Variants in MCPH1 observed in about 807,000 individuals in gnomAD.
MCPH1 encodes microcephalin.
In MCPH1, 104 loss-of-function variants were observed where a neutral mutation model predicts 84.5. The ratio of observed to expected loss-of-function variants is 1.23; its 90% CI spans 1.05 to 1.45. MCPH1 has a LOEUF of 1.45. Ranked by LOEUF, MCPH1 falls within the 40% of genes most tolerant of loss-of-function variation. MCPH1 has a pLI of 0.00. For missense variants in MCPH1, 1,498 were observed against 1,005.7 expected (o/e 1.49, Z -6.62); for synonymous variants, 514 against 366.8 (o/e 1.40, Z -4.58).
chr8:6,412,664 C>T (rs1477455612), intron 2 of MCPH1, among the ~76,000 whole-genome samples: 1 of 152,090 alleles, frequency 6.6e-6, no homozygotes, highest in Non-Finnish European at 1.5e-5. Flanking sequence ...CAATTTTCGT[C>T]CTGTTTAGTG....
chr8:6,553,437 A>C (rs564566652), intron 12 of MCPH1, among the ~76,000 whole-genome samples: 6 of 152,244 alleles, frequency 3.9e-5, no homozygotes, highest in Admixed American at 2.6e-4. Context: ...CGGGAGAATA[A>C]CTTCAGAGGC....
chr8:6,433,140 G>C lies in MCPH1; in HGVS notation c.321+1554G>C, dbSNP rs893610451. On this transcript the variant is annotated intron_variant, in intron 4 of 13. Coordinates refer to ENST00000344683, the MANE Select transcript of MCPH1 (RefSeq NM_024596.5). ...ATGTCGGTAGCTTTGACTCTACTCAGTTTTCTGTATTGCATTATACATTGT... is the reference window on the plus strand; with the variant it reads ...ATGTCGGTAGCTTTGACTCTACTCACTTTTCTGTATTGCATTATACATTGT... 1.3e-5 allele frequency among the ~76,000 whole-genome samples: 2 copies of C among 152,098 alleles called. 1 individual carries two copies. Among genetic ancestry groups the C allele is most frequent in the African/African-American group, 4.8e-5 (2 of 41,394 alleles).
intron 8 of MCPH1, among the ~76,000 whole-genome samples, chr8:6,447,697 C>A (rs1421117687): frequency 6.6e-6 from 1 of 152,016 alleles, no homozygotes; most frequent in African/African-American, 2.4e-5. Context: ...TTACAGGCAC[C>A]CATCACCATG....
intron 12 of MCPH1, chr8:6,513,737 C>G (rs1454783294): frequency 3.1e-6 from 5 of 1,613,882 alleles, no homozygotes; most frequent in Admixed American, 3.3e-5. Context: ...AAGCCTCATT[C>G]CCTTCCCAGT....
At chr8:6,642,554 C>T (rs753577945) in intron 13 of MCPH1, 18 of 253,036 alleles carry the variant, frequency 7.1e-5, no homozygotes, top group East Asian at 6.1e-4. Context: ...TAGGATAGCA[C>T]GGCCTACCTC....
intron 12 of MCPH1, among the ~76,000 whole-genome samples, chr8:6,553,319 GCAA>G (rs1823996320): frequency 6.6e-6 from 1 of 152,086 alleles, no homozygotes; most frequent in South Asian, 2.1e-4. Context: ...AACAAGTAAA[GCAA>G]CAACAACAAA....
intron 9 of MCPH1, among the ~76,000 whole-genome samples, chr8:6,465,653 G>T (rs1278748672): frequency 6.6e-6 from 1 of 151,952 alleles, no homozygotes; most frequent in Non-Finnish European, 1.5e-5. Flanking sequence ...AGCCAAGAGA[G>T]TGAACCAAAA....
intron 13 of MCPH1, among the ~76,000 whole-genome samples, chr8:6,623,589 C>A (rs780597569): frequency 8.2e-5 from 12 of 146,496 alleles, no homozygotes; most frequent in Non-Finnish European, 1.3e-4. Context: ...TTTTACATGA[C>A]TGATGGTCAT....
rs1027925050 is a variant in MCPH1 at position 6,645,895 on chromosome 8, T to A, written c.*2846T>A. 2.0e-5 allele frequency: 3 copies of A among 152,144 alleles called. No individual in the cohort carries two copies. The highest frequency in any genetic ancestry group is 4.8e-5 in the African/African-American group (2 of 41,448). 9.4% of individuals were successfully genotyped at this position (152,144 alleles called of 1,614,324 possible). A position where few individuals can be genotyped will look rare whatever the true frequency, so the allele number is the denominator to read the frequency against. ...AAAGACTTCTTTAAATAGAGACATA[T>A]ACAAAGTTCATAGATTAGAAGATGC... is the stretch of plus-strand genomic sequence containing the variant. On this transcript the variant is annotated 3_prime_UTR_variant, in exon 14 of 14. Coordinates refer to ENST00000344683, the MANE Select transcript of MCPH1 (RefSeq NM_024596.5).
At position 6,444,569 on chromosome 8, in the gene MCPH1, CT is replaced by C; in HGVS notation, c.848del (p.Leu283ProfsTer10). On this transcript the variant is annotated frameshift_variant, in exon 8 of 14. Transcript: ENST00000344683. LOFTEE classifies it high-confidence loss of function. Reference protein sequence around the residue: ...NIHSSPSFTHLDKSSPQKFLS... With the variant: ...NIHSSPSFTHXDKSSPQKFLS... ...TCATTCATCACCATCTTTCACTCAC[CT>C]CGATAAATCAAGTCCTCAGAAATTT... 1 of 1,614,080 alleles carries C rather than the reference CT, an allele frequency of 6.2e-7. No individual in the cohort carries two copies. Among genetic ancestry groups the C allele is most frequent in the Non-Finnish European group, 8.5e-7 (1 of 1,179,990 alleles).
intron 12 of MCPH1, among the ~76,000 whole-genome samples, chr8:6,559,671 A>T (rs190724032): frequency 1.1e-3 from 164 of 152,214 alleles, no homozygotes; most frequent in Non-Finnish European, 2.0e-3. Flanking sequence ...ATTTCCTCTT[A>T]TCAGAAAAAA....
At chr8:6,605,897 A>T (rs1411088073) in intron 12 of MCPH1, among the ~76,000 whole-genome samples, 1 of 152,002 alleles carries the variant, frequency 6.6e-6, no homozygotes, top group African/African-American at 2.4e-5. Flanking sequence ...GGGTTTCTCC[A>T]TGTTGGCCAG....
At chr8:6,477,471 T>C (rs1039807801) in intron 9 of MCPH1, 123 bp from the exon 10 acceptor site, 2 of 843,288 alleles carry the variant, frequency 2.4e-6, no homozygotes, top group African/African-American at 1.7e-5. Context: ...CTTTGACATA[T>C]GCTTAAATGT....
At chr8:6,556,494 GTTTAA>G (rs1392585985) in intron 12 of MCPH1, among the ~76,000 whole-genome samples, 3 of 94,954 alleles carry the variant, frequency 3.2e-5, no homozygotes, top group Non-Finnish European at 6.3e-5. Flanking sequence ...TTTGTGCTGT[GTTTAA>G]TTTCTCATTT....
chr8:6,508,504 A>G, intron 12 of MCPH1: 1 of 216,334 alleles, frequency 4.6e-6, no homozygotes, highest in Non-Finnish European at 8.9e-6. Context: ...TGACAGCTGG[A>G]AATTCCTTCT....
intron 12 of MCPH1, among the ~76,000 whole-genome samples, chr8:6,550,147 C>G (rs1823370243): frequency 6.6e-6 from 1 of 152,228 alleles, no homozygotes; most frequent in Non-Finnish European, 1.5e-5. Flanking sequence ...CCTCATGAAT[C>G]CCTTCCCCGC....
At chr8:6,487,141 A>T (rs1037251798) in intron 11 of MCPH1, among the ~76,000 whole-genome samples, 1 of 152,246 alleles carries the variant, frequency 6.6e-6, no homozygotes, top group Non-Finnish European at 1.5e-5. Flanking sequence ...TTTAAAGCTA[A>T]TTCACTTATA....
intron 2 of MCPH1, among the ~76,000 whole-genome samples, chr8:6,411,481 G>A (rs1474205517): frequency 5.3e-5 from 8 of 152,220 alleles, no homozygotes; most frequent in African/African-American, 1.7e-4. Flanking sequence ...TGCCAGAGAA[G>A]CCTTAAGGTG....
intron 13 of MCPH1, among the ~76,000 whole-genome samples, chr8:6,633,476 C>G (rs1241381408): frequency 1.3e-5 from 2 of 152,212 alleles, no homozygotes; most frequent in African/African-American, 4.8e-5. Flanking sequence ...TAATTTTAAT[C>G]TGAAATGCTC....
Sources: allele counts gnomAD v4.1 joint callset (sites outside exome capture counted in the v4.1 genomes callset), GRCh38; gene constraint gnomAD v4.1.1; transcripts MANE v1.5; gene names NCBI Gene and HGNC (gene_info 2026-07-23, HGNC 2026-07-21).